ITGBL1: variants seen among roughly 807,000 people sequenced by gnomAD.
The protein encoded by ITGBL1 is integrin subunit beta like 1.
Under a neutral mutation model 68.5 loss-of-function variants are expected in ITGBL1, and 51 were observed. The observed-to-expected ratio is 0.74, with a 90% CI of 0.59 to 0.94. The LOEUF is 0.94. Among genes scored for constraint, ITGBL1 ranks in the 40% least tolerant of loss-of-function variants. The pLI is 0.00. For synonymous variants in ITGBL1, 209 were observed against 227.3 expected, an observed-to-expected ratio of 0.92 and a Z score of 0.72; for missense variants, 649 against 647.4, an observed-to-expected ratio of 1.00 and a Z score of -0.03.
At chr13:101,499,916 T>C (rs1033714536) in intron 2 of ITGBL1, among the ~76,000 whole-genome samples, 14 of 152,216 alleles carry the variant, frequency 9.2e-5, no homozygotes, top group Middle Eastern at 3.2e-3. Context: ...CTCCTTCCAC[T>C]GGCTCTTCAA....
intron 7 of ITGBL1, among the ~76,000 whole-genome samples, chr13:101,652,721 G>A (rs1324859102): frequency 6.6e-6 from 1 of 152,166 alleles, no homozygotes; most frequent in Admixed American, 6.5e-5. Context: ...GGTTCAAGAA[G>A]TGTTTCCTCA....
intron 2 of ITGBL1, among the ~76,000 whole-genome samples, chr13:101,493,105 T>C (rs948170750): frequency 1.3e-5 from 2 of 152,100 alleles, no homozygotes; most frequent in African/African-American, 4.8e-5. Flanking sequence ...GTGGAATGAG[T>C]AGATTTCAAA....
rs2050414160 is a variant in ITGBL1 at position 101,579,281 on chromosome 13, G to T, written c.587-6G>T. On this transcript the variant is annotated splice_region_variant and splice_polypyrimidine_tract_variant and intron_variant, in intron 4 of 10. Transcript: ENST00000376180. ...CCTCACTGTATAAAATTCATTTTGG[G>T]TAAAGGCCATGGGAAGTGTTACTGT... The T allele has an allele frequency of 6.2e-7, 1 of 1,612,154 alleles. No homozygotes were observed. Among genetic ancestry groups the T allele is most frequent in the South Asian group, 1.1e-5 (1 of 90,812 alleles).
intron 7 of ITGBL1, among the ~76,000 whole-genome samples, chr13:101,672,924 TAGTG>T (rs963364702): frequency 2.0e-5 from 3 of 152,304 alleles, no homozygotes; most frequent in African/African-American, 7.2e-5. Context: ...CTCATGAAAT[TAGTG>T]AGAACAAAAC....
intron 7 of ITGBL1, among the ~76,000 whole-genome samples, chr13:101,646,548 A>T (rs1449827502): frequency 6.6e-6 from 1 of 152,164 alleles, no homozygotes; most frequent in East Asian, 1.9e-4. Context: ...ACCGTGGAGT[A>T]ACTGGCCAGT....
At chr13:101,459,671 C>T (rs974180335) in intron 2 of ITGBL1, among the ~76,000 whole-genome samples, 1 of 152,064 alleles carries the variant, frequency 6.6e-6, no homozygotes, top group Non-Finnish European at 1.5e-5. Context: ...GCCCAGGAGG[C>T]ATAGGTTGCA....
chr13:101,646,097 T>C (rs904332049), intron 7 of ITGBL1, among the ~76,000 whole-genome samples: 3 of 152,174 alleles, frequency 2.0e-5, no homozygotes, highest in Admixed American at 6.5e-5. Context: ...CCACCTTTGA[T>C]TGATGTGTTT....
At chr13:101,563,152 AGT>A (rs2050128355) in intron 2 of ITGBL1, among the ~76,000 whole-genome samples, 2 of 151,354 alleles carry the variant, frequency 1.3e-5, no homozygotes, top group Admixed American at 6.6e-5. Context: ...CAGCTAACAT[AGT>A]ACTTAGAGAA....
intron 8 of ITGBL1, among the ~76,000 whole-genome samples, chr13:101,699,864 T>A (rs2034094311): frequency 6.6e-6 from 1 of 152,208 alleles, no homozygotes; most frequent in Non-Finnish European, 1.5e-5. Flanking sequence ...TCTTATTTTT[T>A]AAACTCAAAT....
chr13:101,577,036 A>C (rs2050374357), intron 4 of ITGBL1, among the ~76,000 whole-genome samples: 1 of 152,042 alleles, frequency 6.6e-6, no homozygotes, highest in South Asian at 2.1e-4. Flanking sequence ...GTCTATTTGC[A>C]TGTATCAATA....
In ITGBL1 at chr13:101,551,656, A is replaced by G. The variant is rs568851656; in HGVS notation, c.317-16043A>G. Among the ~76,000 whole-genome samples the G allele has an allele frequency of 3.3e-5, 5 of 152,334 alleles. No individual in the cohort carries two copies. In the South Asian group the frequency reaches 1.0e-3, roughly 32 times the overall value. On this transcript the variant is annotated intron_variant, in intron 2 of 10. Transcript: ENST00000376180. ...ACATTCACCAAGAATTTCCTTTTCT[A>G]GAAGTGAGGATGATTATGTTTTCTG...
chr13:101,471,375 A>T (rs1038700817), intron 2 of ITGBL1, among the ~76,000 whole-genome samples: 8 of 151,832 alleles, frequency 5.3e-5, no homozygotes, highest in Non-Finnish European at 5.9e-5. Context: ...TAAATTATAT[A>T]CTCCTCAAGG....
rs1369794586 is a variant in ITGBL1 at position 101,599,894 on chromosome 13, G to T, written c.1015+1595G>T. Among the ~76,000 whole-genome samples, 23 of 152,134 alleles carry T rather than the reference G, an allele frequency of 1.5e-4. No homozygotes were observed. The East Asian group carries it at 4.4e-3, about 29-fold the overall frequency. On this transcript the variant is annotated intron_variant, in intron 7 of 10. Transcript: ENST00000376180. ...GTGATGCCTCCAGCTTTGTTCTTTT[G>T]GCTTAGGATTGACTTGGCAATGTGG...
At chr13:101,688,291 T>G (rs1486698770) in intron 7 of ITGBL1, among the ~76,000 whole-genome samples, 2 of 152,136 alleles carry the variant, frequency 1.3e-5, no homozygotes. Context: ...CTACTAGGTA[T>G]AGACAAAGGG....
chr13:101,695,162 T>G (rs565065356), intron 8 of ITGBL1, among the ~76,000 whole-genome samples: 1 of 152,318 alleles, frequency 6.6e-6, no homozygotes, highest in East Asian at 1.9e-4. Flanking sequence ...CTCTAATGCC[T>G]TCATATCTGG....
chr13:101,624,876 T>G (rs1168587465), intron 7 of ITGBL1, among the ~76,000 whole-genome samples: 5 of 152,182 alleles, frequency 3.3e-5, no homozygotes, highest in Non-Finnish European at 4.4e-5. Context: ...GAGAAAGGTA[T>G]TTTTTTATAG....
chr13:101,507,089 C>T (rs1423067182), intron 2 of ITGBL1, among the ~76,000 whole-genome samples: 2 of 152,160 alleles, frequency 1.3e-5, no homozygotes, highest in Admixed American at 6.5e-5. Context: ...GAGAAGATTC[C>T]TTCTCCACGC....
intron 7 of ITGBL1, among the ~76,000 whole-genome samples, chr13:101,630,658 C>A (rs1022300913): frequency 6.6e-6 from 1 of 152,192 alleles, no homozygotes; most frequent in Non-Finnish European, 1.5e-5. Flanking sequence ...TTCCCTTATT[C>A]ATTTCCTATG....
downstream of ITGBL1, chr13:101,719,695 T>G (rs2034857511): frequency 6.6e-6 from 1 of 152,076 alleles, no homozygotes; most frequent in South Asian, 2.1e-4. Context: ...CCACACCAGA[T>G]ATGCATGCAG....
Sources: gnomAD v4.1 joint callset for allele counts (sites outside exome capture counted in the v4.1 genomes callset) on GRCh38, gnomAD v4.1.1 for gene constraint, MANE v1.5 for transcripts, NCBI Gene and HGNC (gene_info 2026-07-23, HGNC 2026-07-21) for gene names.